RHCG: variants seen among roughly 807,000 people sequenced by gnomAD.
The protein encoded by RHCG is ammonium transporter Rh type C.
Under a neutral mutation model 55.3 loss-of-function variants are expected in RHCG, and 39 were observed. That is an observed-to-expected ratio of 0.70 (90% CI 0.55 to 0.92). The LOEUF is 0.92. Ranked by LOEUF, RHCG falls within the 40% of genes least tolerant of loss-of-function variation. The pLI is 0.00. For synonymous variants in RHCG, 250 were observed against 246.8 expected (o/e 1.01, Z -0.12); for missense variants, 635 against 627.9 (o/e 1.01, Z -0.12).
At chr15:89,480,158 G>C in intron 4 of RHCG, 103 bp downstream of exon 4, 1 of 1,468,478 alleles carries the variant, frequency 6.8e-7, no homozygotes, top group Non-Finnish European at 9.4e-7. Flanking sequence ...GATCATGGTG[G>C]CCTTCACCCA....
intron 3 of RHCG, among the ~76,000 whole-genome samples, chr15:89,481,926 A>G (rs556422061): frequency 6.6e-6 from 1 of 151,992 alleles, no homozygotes; most frequent in African/African-American, 2.4e-5. Context: ...CTCAGCCTCC[A>G]GAGTAGCTGG....
chr15:89,474,609 A>G (rs757238853), intron 9 of RHCG, among the ~76,000 whole-genome samples: 7 of 152,246 alleles, frequency 4.6e-5, no homozygotes, highest in African/African-American at 7.2e-5. Flanking sequence ...CATGTTTTTA[A>G]GGAAACTGAG....
At chr15:89,494,532 T>A (rs1961531103) in intron 1 of RHCG, among the ~76,000 whole-genome samples, 1 of 151,920 alleles carries the variant, frequency 6.6e-6, no homozygotes, top group Admixed American at 6.6e-5. Context: ...GCAAGTGTGG[T>A]GCGAGGAGGA....
In RHCG at chr15:89,480,346, C is replaced by T. The variant is rs1184223215; in HGVS notation, c.585G>A (p.Val195=). The change falls in exon 4 of 11, where the codon GTG becomes GTA. Residue 195 remains valine, a synonymous_variant. Coordinates refer to ENST00000268122, the MANE Select transcript of RHCG (RefSeq NM_016321.3). ...GGTTGCGTCGGTAGAGGATCCGGGT[C>T]ACTGTGAGCCCAAAGTAGGCGCCAA... is the stretch of plus-strand genomic sequence containing the variant. ...HTFGAYFGLT[V]TRILYRRNLE... 6.2e-7 allele frequency: 1 copy of T among 1,614,206 alleles called. No homozygotes were observed. Among genetic ancestry groups the T allele is most frequent in the Non-Finnish European group, 8.5e-7 (1 of 1,180,038 alleles).
chr15:89,473,359 G>A (rs1327735612), intron 9 of RHCG, among the ~76,000 whole-genome samples: 2 of 152,118 alleles, frequency 1.3e-5, no homozygotes, highest in Non-Finnish European at 2.9e-5. Context: ...GGCAGGCAGG[G>A]CAGGTCAGCC....
Position 89,477,967 on chromosome 15 carries a change from A to T in RHCG, c.845T>A (p.Ile282Asn). The T allele has an allele frequency of 6.2e-7, 1 of 1,607,288 alleles. No individual in the cohort carries two copies. Among genetic ancestry groups the T allele is most frequent in the Non-Finnish European group, 8.5e-7 (1 of 1,175,444 alleles). ...CCCTCCTGCGAGCGTGGCATTCTGG[A>T]TGTGCACCTGGGCAGGGCAGGCAGA... ...HKKGKLDMVHIQNATLAGGVA... is the reference protein window; with the variant it reads ...HKKGKLDMVHNQNATLAGGVA... Residue 282 changes from isoleucine to asparagine, a missense_variant, in exon 6 of 11, where the codon ATC becomes AAC. Ile to Asn is a moderately radical substitution (Grantham distance 149, BLOSUM62 -3). Transcript: ENST00000268122. This position sits in a 1 kb window ranked among gnomAD's most constrained non-coding sequence, Gnocchi z 4.5.
chr15:89,486,216 G>T, intron 2 of RHCG: 1 of 456,080 alleles, frequency 2.2e-6, no homozygotes, highest in Non-Finnish European at 4.4e-6. Flanking sequence ...GCTGTTTCCA[G>T]CACCTGTTCC....
chr15:89,486,777 C>G, intron 2 of RHCG, 22 bp downstream of exon 2: 1 of 1,570,438 alleles, frequency 6.4e-7, no homozygotes. Flanking sequence ...CGCCACGCCC[C>G]CGGGGCCCGC....
intron 1 of RHCG, among the ~76,000 whole-genome samples, chr15:89,488,095 A>G (rs1961406747): frequency 6.6e-6 from 1 of 152,246 alleles, no homozygotes; most frequent in Non-Finnish European, 1.5e-5. Flanking sequence ...CAGATGTCAC[A>G]GGACACAGGG....
intron 2 of RHCG, chr15:89,486,280 G>C: frequency 2.2e-6 from 1 of 456,664 alleles, no homozygotes; most frequent in Non-Finnish European, 4.4e-6. Flanking sequence ...CCTCCATTTG[G>C]CTGGAGTCCC....
intron 9 of RHCG, among the ~76,000 whole-genome samples, chr15:89,476,407 G>T (rs1961150747): frequency 6.6e-6 from 1 of 152,126 alleles, no homozygotes; most frequent in Non-Finnish European, 1.5e-5. Flanking sequence ...GATGCTGATG[G>T]TGCCGGGCAC....
intron 4 of RHCG, 71 bp from the exon 5 acceptor site, chr15:89,479,559 G>T: frequency 7.1e-7 from 1 of 1,406,296 alleles, no homozygotes; most frequent in Non-Finnish European, 9.7e-7. Context: ...GCTCAGGCAG[G>T]CATCCTGTCC....
chr15:89,489,212 G>A (rs1256240088), intron 1 of RHCG, among the ~76,000 whole-genome samples: 1 of 152,066 alleles, frequency 6.6e-6, no homozygotes, highest in African/African-American at 2.4e-5. Flanking sequence ...GCCTCCTGGG[G>A]TTCAAACGAT....
intron 9 of RHCG, among the ~76,000 whole-genome samples, chr15:89,476,407 G>A (rs1961150747): frequency 6.6e-6 from 1 of 152,244 alleles, no homozygotes; most frequent in African/African-American, 2.4e-5. Flanking sequence ...GATGCTGATG[G>A]TGCCGGGCAC....
rs765289019 is a variant in RHCG at position 89,479,430 on chromosome 15, C to T, written c.729G>A (p.Gly243=). The change falls in exon 5 of 11, where the codon GGG becomes GGA. Residue 243 remains glycine, a synonymous_variant. Coordinates refer to ENST00000268122, the MANE Select transcript of RHCG (RefSeq NM_016321.3). ...PSFNSAISYH[G]DSQHRAAINT... ...TGATGGCGGCTCGGTGCTGGCTGTC[C>T]CCATGGTAGGATATGGCTGAGTTGA... The T allele has an allele frequency of 6.2e-7, 1 of 1,614,054 alleles. No homozygotes were observed. Among genetic ancestry groups the T allele is most frequent in the East Asian group, 2.2e-5 (1 of 44,868 alleles).
In RHCG at chr15:89,474,932, TCCTG is replaced by T. The variant is rs1190923844; in HGVS notation, c.1311+1819_1311+1822del. Among the ~76,000 whole-genome samples the T allele has an allele frequency of 1.1e-3, 151 of 134,542 alleles. 57 individuals carry two copies. Among genetic ancestry groups the T allele is most frequent in the African/African-American group, 4.7e-3 (137 of 29,022 alleles). The allele number at this position is 134,542 out of a possible 152,430, so 88.3% of individuals were successfully genotyped here. A position where few individuals can be genotyped will look rare whatever the true frequency, so the allele number is the denominator to read the frequency against. ...TGCCTTCCTTCCTGCCTGCCTGCCT[TCCTG>T]CCTTCCTGCCTTCATTCATTCCTGC... On this transcript the variant is annotated intron_variant, in intron 9 of 10. Transcript: ENST00000268122.
At chr15:89,488,778 G>A (rs527298022) in intron 1 of RHCG, among the ~76,000 whole-genome samples, 10 of 151,750 alleles carry the variant, frequency 6.6e-5, no homozygotes, top group African/African-American at 1.5e-4. Context: ...GAGAATGGGG[G>A]GGGGGGAGTG....
chr15:89,482,148 G>T (rs1055022166), intron 3 of RHCG, among the ~76,000 whole-genome samples: 1 of 152,092 alleles, frequency 6.6e-6, no homozygotes, highest in Non-Finnish European at 1.5e-5. Context: ...TGTTGGTCAG[G>T]CTGGTCTCGA....
At chr15:89,494,093 C>G (rs945983583) in intron 1 of RHCG, among the ~76,000 whole-genome samples, 1 of 152,132 alleles carries the variant, frequency 6.6e-6, no homozygotes, top group Non-Finnish European at 1.5e-5. Flanking sequence ...CTTACCCCAT[C>G]CCTTTCACAA....
Sources: gnomAD v4.1 joint callset for allele counts (sites outside exome capture counted in the v4.1 genomes callset) on GRCh38, gnomAD v4.1.1 for gene constraint, Gnocchi (gnomAD v3.1) non-coding constraint, MANE v1.5 for transcripts, NCBI Gene and HGNC (gene_info 2026-07-23, HGNC 2026-07-21) for gene names.